Variants in CWC15 observed in about 807,000 individuals in gnomAD.
CWC15 encodes CWC15 spliceosome associated protein.
Under a neutral mutation model 28.4 loss-of-function variants are expected in CWC15, and 12 were observed. The ratio of observed to expected loss-of-function variants is 0.42; its 90% confidence interval spans 0.27 to 0.69. The LOEUF is 0.69. Among genes scored for constraint, CWC15 ranks in the 30% least tolerant of loss-of-function variants. The pLI, the probability that CWC15 is intolerant of heterozygous loss-of-function variation, is 0.23. For synonymous variants in CWC15, 92 were observed against 88.4 expected (o/e 1.04, Z -0.23); for missense variants, 192 against 271.5 (o/e 0.71, Z 2.06).
At position 94,971,356 on chromosome 11, in the gene CWC15, T is replaced by C; in HGVS notation, c.244+19A>G. 1 of 1,553,482 alleles carries C rather than the reference T, an allele frequency of 6.4e-7. No homozygotes were observed. Among genetic ancestry groups the C allele is most frequent in the Non-Finnish European group, 8.9e-7 (1 of 1,129,408 alleles). On this transcript the variant is annotated intron_variant, in intron 3 of 6. Transcript: ENST00000279839. The stretch of plus-strand genomic sequence containing the variant: ...ACAACATAATTTTATGAGACAAATG[T>C]CTTGGATAGTGTTGGTACCTCGGGT...
At chr11:94,966,119 CAG>C (rs1161158070) in intron 6 of CWC15, among the ~76,000 whole-genome samples, 174 bp downstream of exon 6, 1 of 151,902 alleles carries the variant, frequency 6.6e-6, no homozygotes, top group African/African-American at 2.4e-5. Context: ...CCTAATTGAA[CAG>C]AGAAGAGTAT....
chr11:94,971,269 C>T (rs1857715863), intron 3 of CWC15, 106 bp downstream of exon 3: 1 of 1,019,988 alleles, frequency 9.8e-7, no homozygotes, highest in African/African-American at 1.6e-5. Context: ...CAGCTCACAT[C>T]AATCTGTAAA....
chr11:94,966,280 G>A lies in CWC15; in HGVS notation c.560+15C>T, dbSNP rs782057592. On this transcript the variant is annotated intron_variant, in intron 6 of 6. Coordinates refer to ENST00000279839, the MANE Select transcript of CWC15 (RefSeq NM_016403.4). Reference sequence around the variant, plus strand: ...ACACACACACACACTCCATTACTCCGTTACTGTATAGTACCTTCTTTTAAC... The same window carrying A: ...ACACACACACACACTCCATTACTCCATTACTGTATAGTACCTTCTTTTAAC... 1.6e-5 allele frequency: 20 copies of A among 1,257,848 alleles called. No individual in the cohort carries two copies. Among genetic ancestry groups the A allele is most frequent in the Admixed American group, 1.0e-4 (5 of 49,694 alleles). The allele number at this position is 1,257,848 out of a possible 1,614,324, so 77.9% of individuals were successfully genotyped here. A position where few individuals can be genotyped will look rare whatever the true frequency, so the allele number is the denominator to read the frequency against.
intron 4 of CWC15, chr11:94,970,736 C>A: frequency 2.0e-6 from 1 of 493,218 alleles, no homozygotes; most frequent in Non-Finnish European, 3.7e-6. Flanking sequence ...GAAAGCATAT[C>A]CTTTTATAGA....
chr11:94,967,459 T>C (rs587731749), intron 5 of CWC15, among the ~76,000 whole-genome samples: 1 of 152,354 alleles, frequency 6.6e-6, no homozygotes, highest in Admixed American at 6.5e-5. Flanking sequence ...ATAAAATGTC[T>C]AAAATCCTTA....
At chr11:94,966,226 T>TACACATAC in intron 6 of CWC15, 69 bp downstream of exon 6, 4 of 669,472 alleles carry the variant, frequency 6.0e-6, no homozygotes, top group South Asian at 1.7e-5. Flanking sequence ...CATACACATA[T>TACACATAC]ACACACACAC....
intron 1 of CWC15, 34 bp from the exon 2 acceptor site, chr11:94,972,227 C>A (rs1555096348): frequency 6.3e-7 from 1 of 1,586,322 alleles, no homozygotes; most frequent in African/African-American, 1.4e-5. Flanking sequence ...TTATTTCCAA[C>A]ATTACAAACA....
At position 94,972,194 on chromosome 11, in the gene CWC15, C is replaced by T. The variant is rs782147360; in HGVS notation, c.-8-1G>A. On this transcript the variant is annotated splice_acceptor_variant, in intron 1 of 6. Transcript: ENST00000279839. LOFTEE classifies it low-confidence loss of function (5UTR_SPLICE). ...CTGGCTGCTGTTGTCATCTTTTATG[C>T]TTTGAAGAAAAATATAATCAAGTTA... is the stretch of plus-strand genomic sequence containing the variant. 1.7e-5 allele frequency: 27 copies of T among 1,609,472 alleles called. No homozygotes were observed. The highest frequency in any genetic ancestry group is 1.4e-5 in the Non-Finnish European group (17 of 1,178,576).
In CWC15 at chr11:94,963,520, GA is replaced by G. The variant is rs782642670; in HGVS notation, c.561-7del. The G allele has an allele frequency of 1.5e-5, 23 of 1,551,982 alleles. No individual in the cohort carries two copies. Among genetic ancestry groups the G allele is most frequent in the Middle Eastern group, 1.7e-4 (1 of 5,908 alleles). Reference sequence around the variant, plus strand: ...AGACAACGTCATCATCCCACCTGAGGAAAAAAAAGCAAACAGAACGTCTGAA... The same window carrying G: ...AGACAACGTCATCATCCCACCTGAGGAAAAAAAGCAAACAGAACGTCTGAA... On this transcript the variant is annotated splice_polypyrimidine_tract_variant and splice_region_variant and intron_variant, in intron 6 of 6. Transcript: ENST00000279839.
chr11:94,968,021 T>C (rs1223635522), intron 5 of CWC15, among the ~76,000 whole-genome samples: 1 of 152,172 alleles, frequency 6.6e-6, no homozygotes, highest in African/African-American at 2.4e-5. Flanking sequence ...CACAGAGCAC[T>C]AGGAAAAAAG....
In CWC15 at chr11:94,969,920, T is replaced by C. The variant is rs960574998; in HGVS notation, c.441+69A>G. The C allele has an allele frequency of 6.5e-6, 6 of 916,840 alleles. No individual in the cohort carries two copies. In the African/African-American group the frequency reaches 8.6e-5, roughly 13 times the overall value. The allele number at this position is 916,840 out of a possible 1,614,324, so 56.8% of individuals were successfully genotyped here. On this transcript the variant is annotated intron_variant, in intron 5 of 6. Coordinates refer to ENST00000279839, the MANE Select transcript of CWC15 (RefSeq NM_016403.4). ...TTCTAATATAAGAAGATATTACTTA[T>C]ATTCAAAAAAATTTCTACCTTAGTG...
rs181686917 is a variant in CWC15 at position 94,971,253 on chromosome 11, G to A, written c.244+122C>T. ...TTATTATCTCTAATGACCTAAGAAAGTAGTACAGCTCACATCAATCTGTAA... is the reference window on the plus strand; with the variant it reads ...TTATTATCTCTAATGACCTAAGAAAATAGTACAGCTCACATCAATCTGTAA... On this transcript the variant is annotated intron_variant, in intron 3 of 6. Coordinates refer to ENST00000279839, the MANE Select transcript of CWC15 (RefSeq NM_016403.4). 1,463 of 953,538 alleles carry A rather than the reference G, an allele frequency of 1.5e-3. 1 individual carries two copies. The highest frequency in any genetic ancestry group is 2.2e-3 in the Non-Finnish European group (1,321 of 614,104). 59.1% of individuals were successfully genotyped at this position (953,538 alleles called of 1,614,324 possible). A position where few individuals can be genotyped will look rare whatever the true frequency, so the allele number is the denominator to read the frequency against.
At chr11:94,968,961 C>A (rs1468764597) in intron 5 of CWC15, among the ~76,000 whole-genome samples, 2 of 152,198 alleles carry the variant, frequency 1.3e-5, no homozygotes, top group Admixed American at 6.5e-5. Flanking sequence ...GAATGTCTCA[C>A]AATGTGTCAA....
chr11:94,966,040 C>T lies in CWC15; in HGVS notation c.560+255G>A, dbSNP rs587709382. Among the ~76,000 whole-genome samples the T allele has an allele frequency of 2.0e-5, 3 of 152,256 alleles. No individual in the cohort carries two copies. The East Asian group carries it at 5.8e-4, about 29-fold the overall frequency. On this transcript the variant is annotated intron_variant, in intron 6 of 6. Transcript: ENST00000279839. ...CTAGTGCTTACATCATTATCTAGTACACAGCTGGTTATTGCAACTATCTAT... is the reference window on the plus strand; with the variant it reads ...CTAGTGCTTACATCATTATCTAGTATACAGCTGGTTATTGCAACTATCTAT...
chr11:94,966,531 A>G, intron 5 of CWC15, 118 bp from the exon 6 acceptor site: 2 of 542,508 alleles, frequency 3.7e-6, no homozygotes, highest in South Asian at 2.9e-5. Context: ...TGGCAACAAA[A>G]GCATCAAGGC....
intron 5 of CWC15, among the ~76,000 whole-genome samples, chr11:94,966,916 G>A (rs1358534392): frequency 2.6e-5 from 4 of 152,136 alleles, no homozygotes; most frequent in African/African-American, 9.7e-5. Context: ...TAGGTTTGGT[G>A]ACAAGTTATG....
rs782401701 is a variant in CWC15, at chr11:94,972,139, C to T, written c.47G>A (p.Arg16Lys). Residue 16 changes from arginine (R) to lysine (K), a missense_variant, in exon 2 of 7, where the codon AGG becomes AAG. Arg to Lys is a conservative substitution (Grantham distance 26, BLOSUM62 2). This residue lies in a region of CWC15 where 4 missense variants were observed against 21.2 expected (regional missense o/e 0.19). Coordinates refer to ENST00000279839, the MANE Select transcript of CWC15 (RefSeq NM_016403.4). Reference protein sequence around the residue: ...RPTFEPARGGRGKGEGDLSQL... With the variant: ...RPTFEPARGGKGKGEGDLSQL... ...GCTCAAATCACCTTCTCCTTTTCCC[C>T]TTCCACCTCTGGCAGGTTCAAAGGT... The T allele has an allele frequency of 1.2e-6, 2 of 1,613,770 alleles. No individual in the cohort carries two copies. The highest frequency in any genetic ancestry group is 2.7e-5 in the African/African-American group (2 of 74,920).
intron 6 of CWC15, among the ~76,000 whole-genome samples, chr11:94,965,464 A>AT (rs1857626603): frequency 6.6e-6 from 1 of 152,172 alleles, no homozygotes; most frequent in Admixed American, 6.5e-5. Context: ...ACTGTACAGA[A>AT]TTTAAAAAGC....
chr11:94,970,951 A>C, intron 4 of CWC15, 26 bp downstream of exon 4: 4 of 1,526,848 alleles, frequency 2.6e-6, no homozygotes, highest in Non-Finnish European at 3.6e-6. Flanking sequence ...CAATTATTAG[A>C]GATGAAAGGA....
Sources: allele counts gnomAD v4.1 joint callset (sites outside exome capture counted in the v4.1 genomes callset), GRCh38; gene constraint gnomAD v4.1.1; regional missense constraint gnomAD v4.1.1; transcripts MANE v1.5; gene names NCBI Gene and HGNC (gene_info 2026-07-23, HGNC 2026-07-21).